Variants in BACE2 observed in about 807,000 individuals in gnomAD.
BACE2 encodes the protein 56 kDa aspartic-like protease.
Under a neutral mutation model 46.2 loss-of-function variants are expected in BACE2, and 17 were observed. That is an observed-to-expected ratio of 0.37 (90% CI 0.25 to 0.55). The LOEUF (loss-of-function observed/expected upper bound fraction) is 0.55. Among genes scored for constraint, BACE2 ranks in the 20% least tolerant of loss-of-function variants. The probability of loss-of-function intolerance (pLI) is 0.82; values close to 1 mark genes in which losing one functional copy is unlikely to be tolerated. For missense variants in BACE2, 595 were observed against 698.1 expected, an observed-to-expected ratio of 0.85 and a Z score of 1.66; for synonymous variants, 277 against 295.9, an observed-to-expected ratio of 0.94 and a Z score of 0.66.
At chr21:41,225,100 G>A (rs1460396664) in intron 1 of BACE2, among the ~76,000 whole-genome samples, 1 of 152,118 alleles carries the variant, frequency 6.6e-6, no homozygotes, top group Non-Finnish European at 1.5e-5. Context: ...CGGGCTCGGT[G>A]GCGGGCACCT....
intron 1 of BACE2, among the ~76,000 whole-genome samples, chr21:41,174,642 G>A (rs1297093601): frequency 6.6e-6 from 1 of 152,122 alleles, no homozygotes; most frequent in African/African-American, 2.4e-5. Context: ...AGAAGAGGTG[G>A]GGGGTTAGTG....
intron 2 of BACE2, among the ~76,000 whole-genome samples, chr21:41,236,055 G>T (rs1987109524): frequency 1.3e-5 from 2 of 152,210 alleles, no homozygotes; most frequent in African/African-American, 4.8e-5. Flanking sequence ...GATCTACTGG[G>T]TGATTTGATA....
chr21:41,234,715 G>A lies in BACE2; in HGVS notation c.402-2798G>A, dbSNP rs80043267. The stretch of plus-strand genomic sequence containing the variant: ...ATTTTTATTGCTATTCAACATAAGC[G>A]TGTTCATCTCCTCCCATGTGGCAGG... On this transcript the variant is annotated intron_variant, in intron 2 of 8. Coordinates refer to ENST00000330333, the MANE Select transcript of BACE2 (RefSeq NM_012105.5). Among the ~76,000 whole-genome samples the A allele has an allele frequency of 8.4e-3, 1,280 of 152,314 alleles. 18 individuals are homozygous for A. The highest frequency in any genetic ancestry group is 0.028 in the African/African-American group (1,171 of 41,552).
At chr21:41,202,961 T>C (rs1350537464) in intron 1 of BACE2, among the ~76,000 whole-genome samples, 2 of 151,982 alleles carry the variant, frequency 1.3e-5, no homozygotes, top group Admixed American at 6.6e-5. Flanking sequence ...AGTGACTGAG[T>C]CTGGTTATTG....
At chr21:41,229,966 G>C (rs1041815018) in intron 2 of BACE2, among the ~76,000 whole-genome samples, 2 of 152,200 alleles carry the variant, frequency 1.3e-5, no homozygotes, top group Non-Finnish European at 2.9e-5. Context: ...TAAATAAAAA[G>C]AGAAAGAACA....
intron 6 of BACE2, among the ~76,000 whole-genome samples, chr21:41,247,598 G>T (rs1254771285): frequency 1.3e-5 from 2 of 152,352 alleles, no homozygotes; most frequent in Non-Finnish European, 2.9e-5. Context: ...TGTTTGAAGC[G>T]CAGTGTGAAA....
At chr21:41,188,901 A>G (rs1208325120) in intron 1 of BACE2, among the ~76,000 whole-genome samples, 1 of 152,194 alleles carries the variant, frequency 6.6e-6, no homozygotes, top group African/African-American at 2.4e-5. Flanking sequence ...AGCACAGCCA[A>G]TGGCACATTG....
chr21:41,193,765 C>T lies in BACE2; in HGVS notation c.312+25190C>T, dbSNP rs990534642. 6.6e-6 allele frequency among the ~76,000 whole-genome samples: 1 copy of T among 152,172 alleles called. No individual in the cohort carries two copies. Among genetic ancestry groups the T allele is most frequent in the Non-Finnish European group, 1.5e-5 (1 of 68,036 alleles). ...CCCACTGGACCCACTGTAAGTTGGACCTGAGCTAAAACTCCTTTAAGTACC... is the reference window on the plus strand; with the variant it reads ...CCCACTGGACCCACTGTAAGTTGGATCTGAGCTAAAACTCCTTTAAGTACC... On this transcript the variant is annotated intron_variant, in intron 1 of 8. Coordinates refer to ENST00000330333, the MANE Select transcript of BACE2 (RefSeq NM_012105.5). This position sits in a 1 kb window ranked among gnomAD's most constrained non-coding sequence, Gnocchi z 4.2.
At chr21:41,263,857 A>C (rs147122209) in intron 8 of BACE2, among the ~76,000 whole-genome samples, 2 of 152,150 alleles carry the variant, frequency 1.3e-5, no homozygotes, top group Non-Finnish European at 2.9e-5. Context: ...TACCCTTTAC[A>C]CTCTCTGAAT....
chr21:41,211,549 G>C (rs1400823864), intron 1 of BACE2, among the ~76,000 whole-genome samples: 1 of 152,250 alleles, frequency 6.6e-6, no homozygotes, highest in Non-Finnish European at 1.5e-5. Context: ...GAAAGAGCCT[G>C]ATTAACAGAA....
At chr21:41,198,853 A>T (rs116279003) in intron 1 of BACE2, among the ~76,000 whole-genome samples, 3,539 of 132,750 alleles carry the variant, frequency 0.027, 130 homozygotes, top group African/African-American at 0.09. Flanking sequence ...TACGCTTTTT[A>T]TTTATTTATT....
intron 1 of BACE2, chr21:41,183,651 G>C (rs902729392): frequency 6.0e-6 from 1 of 167,188 alleles, no homozygotes; most frequent in Non-Finnish European, 1.5e-5. Context: ...CACACTCAGT[G>C]GTGGAAATAC....
intron 7 of BACE2, 49 bp from the exon 8 acceptor site, chr21:41,257,109 T>G (rs1160751398): frequency 6.2e-7 from 1 of 1,610,574 alleles, no homozygotes; most frequent in African/African-American, 1.3e-5. Context: ...TGATACTGCC[T>G]GATTTGTGCT....
chr21:41,187,879 C>T (rs559182412), intron 1 of BACE2, among the ~76,000 whole-genome samples: 1 of 152,324 alleles, frequency 6.6e-6, no homozygotes, highest in Admixed American at 6.5e-5. Context: ...TGACCCACTA[C>T]CACTTCCATG....
intron 1 of BACE2, among the ~76,000 whole-genome samples, chr21:41,188,966 A>T (rs1455360251): frequency 2.0e-5 from 3 of 152,140 alleles, no homozygotes; most frequent in Non-Finnish European, 4.4e-5. Context: ...CAGAAGACTG[A>T]TTGGAGGCCA....
At chr21:41,221,554 G>C (rs537193887) in intron 1 of BACE2, among the ~76,000 whole-genome samples, 3 of 152,136 alleles carry the variant, frequency 2.0e-5, no homozygotes, top group Non-Finnish European at 2.9e-5. Context: ...GGCCGGGCGC[G>C]GTGGCTCACG....
chr21:41,192,778 C>G (rs1389376647), intron 1 of BACE2, among the ~76,000 whole-genome samples: 1 of 152,256 alleles, frequency 6.6e-6, no homozygotes, highest in East Asian at 1.9e-4. Context: ...TCAAAATTGG[C>G]AGCCTTTCGG....
At chr21:41,261,261 A>G (rs979283878) in intron 8 of BACE2, among the ~76,000 whole-genome samples, 65 of 152,320 alleles carry the variant, frequency 4.3e-4, no homozygotes, top group African/African-American at 1.5e-3. Context: ...GAGAATTTCC[A>G]TTCCCTAAAA....
At position 41,243,806 on chromosome 21, in the gene BACE2, A is replaced by T. The variant is rs545982010; in HGVS notation, c.882+296A>T. Among the ~76,000 whole-genome samples the T allele has an allele frequency of 1.2e-4, 18 of 152,316 alleles. No individual in the cohort carries two copies. The South Asian group carries it at 3.7e-3, about 32-fold the overall frequency. On this transcript the variant is annotated intron_variant, in intron 5 of 8. Transcript: ENST00000330333. ...ACCTTTCACCATTCATTCATCTTGGATTGATGGTCCCTAAGCTCAGTTTAA... is the reference window on the plus strand; with the variant it reads ...ACCTTTCACCATTCATTCATCTTGGTTTGATGGTCCCTAAGCTCAGTTTAA...
Sources: gnomAD v4.1 joint callset for allele counts (sites outside exome capture counted in the v4.1 genomes callset) on GRCh38, gnomAD v4.1.1 for gene constraint, Gnocchi (gnomAD v3.1) non-coding constraint, MANE v1.5 for transcripts, NCBI Gene and HGNC (gene_info 2026-07-23, HGNC 2026-07-21) for gene names.